Variants in PBRM1 observed in about 807,000 individuals in gnomAD.
The protein encoded by PBRM1 is polybromo 1, also known as protein polybromo-1.
A neutral mutation model predicts 194.5 loss-of-function variants in PBRM1; 27 were observed. The ratio of observed to expected loss-of-function variants is 0.14; its 90% CI spans 0.10 to 0.19. The LOEUF (loss-of-function observed/expected upper bound fraction) is 0.19, where lower values mean the gene tolerates loss of function less well. PBRM1 is among the 10% of genes least tolerant of loss of function. The pLI, the probability that PBRM1 is intolerant of heterozygous loss-of-function variation, is 1.00. For missense variants in PBRM1, 1,466 were observed against 2,077.2 expected, an observed-to-expected ratio of 0.71 and a Z score of 5.72; for synonymous variants, 655 against 693.2, an observed-to-expected ratio of 0.94 and a Z score of 0.87.
At chr3:52,579,270 C>G (rs773012107) in intron 20 of PBRM1, 71 bp from the exon 23 acceptor site, 2 of 1,393,816 alleles carry the variant, frequency 1.4e-6, no homozygotes, top group East Asian at 4.6e-5. Flanking sequence ...GAAACGAAAG[C>G]AGACTTTTCT....
intron 20 of PBRM1, among the ~76,000 whole-genome samples, chr3:52,582,805 C>T (rs566066128): frequency 2.4e-4 from 36 of 151,822 alleles, no homozygotes; most frequent in Admixed American, 2.0e-3. Flanking sequence ...ACTGCTGGGT[C>T]AAAGACACCG....
Position 52,643,235 on chromosome 3 carries a change from C to T in PBRM1, c.995+13G>A. On this transcript the variant is annotated intron_variant, in intron 9 of 29. Coordinates refer to ENST00000296302, the Ensembl canonical transcript of PBRM1. ...CACAGGTCAACTCTCAGACTAAACA[C>T]TCTTTTTCTCACCGGTAATACTTGC... is the stretch of plus-strand genomic sequence containing the variant. 3.8e-6 allele frequency: 6 copies of T among 1,578,308 alleles called. No homozygotes were observed. Among genetic ancestry groups the T allele is most frequent in the Non-Finnish European group, 5.2e-6 (6 of 1,147,374 alleles).
exon 1 of PBRM1, chr3:52,685,772 C>T (rs1178001514): frequency 8.0e-6 from 2 of 249,566 alleles, no homozygotes; most frequent in East Asian, 9.0e-5. Context: ...CGCCTGCAGC[C>T]CCGGCCGCGG....
At chr3:52,677,651 G>A (rs2097135559) in intron 2 of PBRM1, among the ~76,000 whole-genome samples, 1 of 152,090 alleles carries the variant, frequency 6.6e-6, no homozygotes, top group African/African-American at 2.4e-5. Flanking sequence ...GACCTCAGCT[G>A]ATCCACCCGC....
chr3:52,650,785 T>C (rs377569178), intron 6 of PBRM1, among the ~76,000 whole-genome samples: 4 of 152,198 alleles, frequency 2.6e-5, no homozygotes, highest in South Asian at 2.1e-4. Flanking sequence ...CAAAGTGACA[T>C]AGCTGATTAA....
chr3:52,628,466 T>TTATA (rs1381983485), intron 12 of PBRM1, among the ~76,000 whole-genome samples: 2 of 122,138 alleles, frequency 1.6e-5, no homozygotes, highest in South Asian at 4.6e-4. Context: ...TATATATATA[T>TTATA]TATATATATT....
chr3:52,625,815 T>G (rs1194796839), intron 13 of PBRM1, among the ~76,000 whole-genome samples: 1 of 152,106 alleles, frequency 6.6e-6, no homozygotes, highest in Admixed American at 6.6e-5. Context: ...TGACCTCAAG[T>G]GATCCACCTG....
Position 52,614,102 on chromosome 3 carries a change from G to A in PBRM1, c.1924+1249C>T, listed in dbSNP as rs543366549. ...AGAAAGCTAGTCTGGGCCAGGCGGG[G>A]TGGCTCACACCCGTAATCCCAGCAC... On this transcript the variant is annotated intron_variant, in intron 15 of 29. Transcript: ENST00000296302. Among the ~76,000 whole-genome samples, 5 of 152,196 alleles carry A rather than the reference G, an allele frequency of 3.3e-5. No homozygotes were observed. In the East Asian group the frequency reaches 9.7e-4, roughly 29 times the overall value.
chr3:52,668,610 G>T, exon 3 of PBRM1: 1 of 1,601,106 alleles, frequency 6.2e-7, no homozygotes, highest in Non-Finnish European at 8.5e-7. Context: ...CAAGTCAATG[G>T]GCTGAGAAAC....
At chr3:52,608,462 T>G (rs921476805) in intron 16 of PBRM1, among the ~76,000 whole-genome samples, 2 of 151,908 alleles carry the variant, frequency 1.3e-5, no homozygotes, top group Admixed American at 1.3e-4. Context: ...TGTTACTATG[T>G]TTTTTTTCTT....
At chr3:52,643,314 A>C in exon 9 of PBRM1, 1 of 1,613,930 alleles carries the variant, frequency 6.2e-7, no homozygotes, top group Non-Finnish European at 8.5e-7. Flanking sequence ...AGGACCTGTC[A>C]GTCTGGCTGC....
downstream of PBRM1, chr3:52,546,383 T>C (rs1446901286): frequency 4.4e-6 from 1 of 229,688 alleles, no homozygotes; most frequent in Non-Finnish European, 8.6e-6. Flanking sequence ...TGCAATACAT[T>C]TTTTTAAATT....
At chr3:52,667,539 G>A (rs1578075756) in intron 3 of PBRM1, among the ~76,000 whole-genome samples, 1 of 151,996 alleles carries the variant, frequency 6.6e-6, no homozygotes, top group South Asian at 2.1e-4. Flanking sequence ...GATCACTTGA[G>A]GTCAGGAGTT....
chr3:52,578,740 A>T (rs2090337500), intron 21 of PBRM1, among the ~76,000 whole-genome samples: 1 of 152,246 alleles, frequency 6.6e-6, no homozygotes, highest in Admixed American at 6.5e-5. Flanking sequence ...AGGGAGACTT[A>T]ACCCATTCTG....
intron 6 of PBRM1, among the ~76,000 whole-genome samples, chr3:52,650,468 C>G (rs952242406): frequency 6.7e-6 from 1 of 149,876 alleles, no homozygotes; most frequent in African/African-American, 2.4e-5. Flanking sequence ...TAAGTAAACA[C>G]TGTTACTCTT....
intron 20 of PBRM1, among the ~76,000 whole-genome samples, chr3:52,579,537 A>C (rs1212471807): frequency 6.6e-6 from 1 of 152,136 alleles, no homozygotes; most frequent in African/African-American, 2.4e-5. Context: ...GGTCGAGGCT[A>C]CAGTGAGCTA....
chr3:52,586,748 C>CAGA, intron 19 of PBRM1, 60 bp from the exon 22 acceptor site: 2 of 180,398 alleles, frequency 1.1e-5, no homozygotes, highest in Non-Finnish European at 1.9e-5. Context: ...GAAAATCAAT[C>CAGA]AAAAAAAAAA....
intron 3 of PBRM1, among the ~76,000 whole-genome samples, chr3:52,662,991 T>C (rs2096757423): frequency 6.6e-6 from 1 of 152,190 alleles, no homozygotes; most frequent in South Asian, 2.1e-4. Context: ...TGTTTCAAAA[T>C]GTCTGCTCAT....
intron 2 of PBRM1, among the ~76,000 whole-genome samples, chr3:52,674,430 A>C (rs950016194): frequency 4.7e-5 from 7 of 149,176 alleles, no homozygotes; most frequent in African/African-American, 1.7e-4. Flanking sequence ...GTGGTGAGCC[A>C]CAATCGAGAT....
Sources: allele counts gnomAD v4.1 joint callset (sites outside exome capture counted in the v4.1 genomes callset), GRCh38; gene constraint gnomAD v4.1.1; transcripts MANE v1.5; gene names NCBI Gene and HGNC (gene_info 2026-07-23, HGNC 2026-07-21).